The following KDM2A variants were observed in gnomAD, a reference collection of about 807,000 sequenced individuals.
KDM2A encodes the protein lysine-specific demethylase 2A.
In KDM2A, 3 loss-of-function variants were observed where a neutral mutation model predicts 137.3. The observed-to-expected ratio is 0.02, with a 90% confidence interval of 0.01 to 0.06. The LOEUF (loss-of-function observed/expected upper bound fraction) is 0.06. KDM2A is among the 10% of genes least tolerant of loss of function. KDM2A has a pLI of 1.00. For synonymous variants in KDM2A, 512 were observed against 541.5 expected (o/e 0.95, Z 0.76); for missense variants, 738 against 1,510.6 (o/e 0.49, Z 8.48).
intron 5 of KDM2A, among the ~76,000 whole-genome samples, chr11:67,203,520 T>C (rs1590781256): frequency 6.8e-6 from 1 of 147,670 alleles, no homozygotes; most frequent in East Asian, 1.9e-4. Context: ...TAATATAAAA[T>C]ATATAATAAA....
chr11:67,179,616 T>G (rs1292953337), intron 2 of KDM2A, among the ~76,000 whole-genome samples: 2 of 152,206 alleles, frequency 1.3e-5, no homozygotes, highest in East Asian at 3.8e-4. Flanking sequence ...TCTTCCTTTA[T>G]CTGAGACAAG....
intron 2 of KDM2A, among the ~76,000 whole-genome samples, chr11:67,140,230 A>G (rs1207812515): frequency 6.6e-6 from 1 of 151,986 alleles, no homozygotes; most frequent in Non-Finnish European, 1.5e-5. Flanking sequence ...GCTGGCTGTC[A>G]TGGCGTGTAC....
chr11:67,205,020 G>C (rs1338770576), intron 5 of KDM2A, among the ~76,000 whole-genome samples: 1 of 152,118 alleles, frequency 6.6e-6, no homozygotes, highest in Non-Finnish European at 1.5e-5. Flanking sequence ...TATATGCCTA[G>C]AAGTGGAATT....
intron 11 of KDM2A, among the ~76,000 whole-genome samples, chr11:67,230,866 T>G (rs959612246): frequency 3.9e-5 from 6 of 152,234 alleles, no homozygotes; most frequent in Non-Finnish European, 8.8e-5. Flanking sequence ...ATAGTCACTT[T>G]GTTTTGTTAC....
chr11:67,155,529 C>G (rs1448941038), intron 2 of KDM2A, among the ~76,000 whole-genome samples: 1 of 152,138 alleles, frequency 6.6e-6, no homozygotes, highest in Non-Finnish European at 1.5e-5. Context: ...GTTTCGAACT[C>G]TTGGCCTAAA....
At chr11:67,158,806 G>C (rs1565382467) in intron 2 of KDM2A, among the ~76,000 whole-genome samples, 1 of 152,012 alleles carries the variant, frequency 6.6e-6, no homozygotes, top group Non-Finnish European at 1.5e-5. Context: ...CTTTTCATAT[G>C]CTTATTTGTC....
At position 67,219,339 on chromosome 11, in the gene KDM2A, A is replaced by AT; in HGVS notation, c.899dup (p.Leu300PhefsTer3). ...ACAGACACATTAGTGTTTGGGGGCA[A>AT]TTTTTTGCATAGCTTCAACATCCCT... On this transcript the variant is annotated frameshift_variant, in exon 10 of 21. Coordinates refer to ENST00000529006, the MANE Select transcript of KDM2A (RefSeq NM_012308.3). LOFTEE classifies it high-confidence loss of function. 6.2e-7 allele frequency: 1 copy of AT among 1,611,342 alleles called. No homozygotes were observed. Among genetic ancestry groups the AT allele is most frequent in the East Asian group, 2.2e-5 (1 of 44,660 alleles).
chr11:67,144,919 G>C (rs1407839230), intron 2 of KDM2A, among the ~76,000 whole-genome samples: 1 of 151,224 alleles, frequency 6.6e-6, no homozygotes, highest in East Asian at 2.0e-4. Context: ...ATCCAGGCTG[G>C]AGTGCCAGTG....
chr11:67,203,494 A>G (rs1646317699), intron 5 of KDM2A, among the ~76,000 whole-genome samples: 2 of 147,334 alleles, frequency 1.4e-5, no homozygotes, highest in Middle Eastern at 3.3e-3. Flanking sequence ...ATATTAATAT[A>G]TTTTTATATA....
Position 67,256,041 on chromosome 11 carries a change from C to T in KDM2A, c.*986C>T, listed in dbSNP as rs965658770. On this transcript the variant is annotated 3_prime_UTR_variant, in exon 21 of 21. Transcript: ENST00000529006. ...AGGCTCCTCCAGGCCTCTGGTTTAGCGGAGCCCCCTGAGCCCAGGCCTGTG... is the reference window on the plus strand; with the variant it reads ...AGGCTCCTCCAGGCCTCTGGTTTAGTGGAGCCCCCTGAGCCCAGGCCTGTG... 1.7e-4 allele frequency: 29 copies of T among 171,334 alleles called. No individual in the cohort carries two copies. The highest frequency in any genetic ancestry group is 3.3e-4 in the Non-Finnish European group (26 of 79,402). 10.6% of individuals were successfully genotyped at this position (171,334 alleles called of 1,614,324 possible). A position where few individuals can be genotyped will look rare whatever the true frequency, so the allele number is the denominator to read the frequency against.
intron 9 of KDM2A, among the ~76,000 whole-genome samples, chr11:67,218,299 T>C (rs1451559246): frequency 6.6e-6 from 1 of 152,216 alleles, no homozygotes; most frequent in East Asian, 1.9e-4. Context: ...TAAGTGCTTA[T>C]AAAGATCACA....
At chr11:67,194,236 G>C (rs1028855347) in intron 5 of KDM2A, among the ~76,000 whole-genome samples, 1 of 152,114 alleles carries the variant, frequency 6.6e-6, no homozygotes, top group African/African-American at 2.4e-5. Flanking sequence ...AAAAATCCTG[G>C]TCTTGTGGAA....
chr11:67,203,519 A>AT (rs1464968056), intron 5 of KDM2A, among the ~76,000 whole-genome samples: 2 of 147,730 alleles, frequency 1.4e-5, no homozygotes, highest in Non-Finnish European at 3.0e-5. Context: ...ATAATATAAA[A>AT]TATATAATAA....
At chr11:67,210,184 A>G (rs376575583) in intron 6 of KDM2A, among the ~76,000 whole-genome samples, 15 of 152,170 alleles carry the variant, frequency 9.9e-5, no homozygotes, top group African/African-American at 3.6e-4. Context: ...CCTGGGCAAC[A>G]TGGTGAAACC....
intron 13 of KDM2A, chr11:67,243,483 A>C: frequency 6.2e-6 from 1 of 160,934 alleles, no homozygotes; most frequent in South Asian, 1.6e-4. Context: ...TCTCTCAAAA[A>C]TCCCCTTACC....
Position 67,181,417 on chromosome 11 carries a change from G to A in KDM2A, c.260+19G>A. The stretch of plus-strand genomic sequence containing the variant: ...GAATAAAGTAAGTGTTTTCAGCCTG[G>A]CTGGATGTAGTTGCAAAATGGCCTC... On this transcript the variant is annotated intron_variant, in intron 4 of 20. Transcript: ENST00000529006. 6.3e-7 allele frequency: 1 copy of A among 1,589,960 alleles called. No homozygotes were observed. Among genetic ancestry groups the A allele is most frequent in the Non-Finnish European group, 8.6e-7 (1 of 1,162,804 alleles).
At chr11:67,165,551 C>T (rs1360875867) in intron 2 of KDM2A, among the ~76,000 whole-genome samples, 1 of 152,180 alleles carries the variant, frequency 6.6e-6, no homozygotes, top group African/African-American at 2.4e-5. Flanking sequence ...TGACCTTTGT[C>T]TATGAATCAA....
intron 2 of KDM2A, among the ~76,000 whole-genome samples, chr11:67,158,416 A>G (rs536724812): frequency 6.6e-6 from 1 of 152,336 alleles, no homozygotes; most frequent in East Asian, 1.9e-4. Context: ...TGTGGACATG[A>G]GTTTTCAATT....
At chr11:67,226,559 A>G (rs1858550266) in intron 10 of KDM2A, among the ~76,000 whole-genome samples, 1 of 152,014 alleles carries the variant, frequency 6.6e-6, no homozygotes, top group African/African-American at 2.4e-5. Context: ...CGTCTCTACT[A>G]AAAATACAAA....
Sources: allele counts gnomAD v4.1 joint callset (sites outside exome capture counted in the v4.1 genomes callset), GRCh38; gene constraint gnomAD v4.1.1; transcripts MANE v1.5; gene names NCBI Gene and HGNC (gene_info 2026-07-23, HGNC 2026-07-21).